SLC35A3: variants seen among roughly 807,000 people sequenced by gnomAD.
The protein encoded by SLC35A3 is UDP-N-acetylglucosamine transporter.
Under a neutral mutation model 39.0 loss-of-function variants are expected in SLC35A3, and 26 were observed. The observed-to-expected ratio is 0.67, with a 90% confidence interval of 0.49 to 0.92. The LOEUF (loss-of-function observed/expected upper bound fraction) is 0.92. Among genes scored for constraint, SLC35A3 ranks in the 40% least tolerant of loss-of-function variants. The pLI, the probability that SLC35A3 is intolerant of heterozygous loss-of-function variation, is 0.00. For missense variants in SLC35A3, 299 were observed against 371.6 expected (o/e 0.80, Z 1.61); for synonymous variants, 135 against 133.1 (o/e 1.01, Z -0.10).
intron 3 of SLC35A3, 146 bp downstream of exon 3, chr1:99,999,561 A>G (rs1379920185): frequency 5.9e-6 from 3 of 506,944 alleles, no homozygotes; most frequent in South Asian, 6.6e-5. Context: ...ATTCATCTCC[A>G]CAAACATTTA....
At chr1:100,010,621 T>C (rs1325199388) in intron 4 of SLC35A3, among the ~76,000 whole-genome samples, 1 of 151,904 alleles carries the variant, frequency 6.6e-6, no homozygotes, top group Non-Finnish European at 1.5e-5. Context: ...CCCAGGGAGG[T>C]TGAGGCTGCA....
chr1:100,027,288 A>G lies in SLC35A3; in HGVS notation c.*4812A>G, dbSNP rs1660963109. ...GCAACATAGCCTTGTTTCTACAAAA[A>G]ATCTTAAAAATAAAATTAGCCAATA... On this transcript the variant is annotated 3_prime_UTR_variant, in exon 8 of 8. Coordinates refer to ENST00000533028, the MANE Select transcript of SLC35A3 (RefSeq NM_012243.3). The G allele has an allele frequency of 2.5e-6, 1 of 397,274 alleles. No homozygotes were observed. The allele number at this position is 397,274 out of a possible 1,614,324, so 24.6% of individuals were successfully genotyped here.
chr1:99,971,794 T>G (rs1446254897), intron 1 of SLC35A3, among the ~76,000 whole-genome samples: 1 of 152,224 alleles, frequency 6.6e-6, no homozygotes, highest in Admixed American at 6.5e-5. Flanking sequence ...CCTTCCTTGC[T>G]GTCTTTGTAG....
rs1368451203 is a variant in SLC35A3, at chr1:100,028,839, T to G, written c.*6363T>G. On this transcript the variant is annotated 3_prime_UTR_variant, in exon 8 of 8. Transcript: ENST00000533028. ...TCAGTTCTGGCTAGAAAGAGAAAAC[T>G]TACTAAAAGCTATTATACTCACAGT... 3 of 152,286 alleles carry G rather than the reference T, an allele frequency of 2.0e-5. 1 individual carries two copies. The highest frequency in any genetic ancestry group is 3.9e-4 in the East Asian group (2 of 5,188). 9.4% of individuals were successfully genotyped at this position (152,286 alleles called of 1,614,324 possible).
chr1:100,019,401 A>G (rs1013278171), intron 7 of SLC35A3, among the ~76,000 whole-genome samples: 4 of 149,506 alleles, frequency 2.7e-5, no homozygotes, highest in African/African-American at 9.7e-5. Flanking sequence ...GAATGAATGA[A>G]TGAATGAATG....
intron 1 of SLC35A3, among the ~76,000 whole-genome samples, chr1:99,989,959 G>A (rs1389789022): frequency 6.6e-6 from 1 of 151,870 alleles, no homozygotes; most frequent in Non-Finnish European, 1.5e-5. Flanking sequence ...GTCTCACTTT[G>A]TTGTCCAAGC....
intron 1 of SLC35A3, among the ~76,000 whole-genome samples, chr1:99,989,612 T>C (rs1361001459): frequency 6.6e-6 from 1 of 152,144 alleles, no homozygotes; most frequent in Admixed American, 6.5e-5. Flanking sequence ...TATTTTTAAA[T>C]TGGATTGTCG....
At chr1:99,970,615 G>C in intron 1 of SLC35A3, 2 of 1,536,132 alleles carry the variant, frequency 1.3e-6, no homozygotes, top group Non-Finnish European at 1.7e-6. Flanking sequence ...GAAGCCGCAG[G>C]AACTTAAAGA....
chr1:99,979,836 G>C (rs1001298016), intron 1 of SLC35A3, among the ~76,000 whole-genome samples: 3 of 152,038 alleles, frequency 2.0e-5, no homozygotes, highest in Admixed American at 2.0e-4. Context: ...CCGAGGTCAG[G>C]AGTTCGAGAC....
intron 1 of SLC35A3, among the ~76,000 whole-genome samples, chr1:99,988,479 CTT>C (rs1657878071): frequency 1.3e-5 from 2 of 152,068 alleles, no homozygotes; most frequent in African/African-American, 4.8e-5. Context: ...AAATAAATCT[CTT>C]ATAAATATTC....
chr1:100,016,673 C>T (rs182604596), intron 6 of SLC35A3, among the ~76,000 whole-genome samples: 2 of 151,902 alleles, frequency 1.3e-5, no homozygotes, highest in East Asian at 1.9e-4. Context: ...TCGCCTGGCC[C>T]GGATACTTCT....
intron 4 of SLC35A3, chr1:100,008,767 G>A (rs1281313377): frequency 6.6e-6 from 1 of 152,088 alleles, no homozygotes; most frequent in Admixed American, 6.5e-5. Context: ...AAACATTTGT[G>A]CCTTCTTCTG....
rs540737332 is a variant in SLC35A3 at position 99,996,557 on chromosome 1, G to A, written c.188-2704G>A. ...TAAAAAGTCTTAATACCAGGAATTG[G>A]TGATTATTTAAAAACTGAATTTAAA... On this transcript the variant is annotated intron_variant, in intron 2 of 7. Coordinates refer to ENST00000533028, the MANE Select transcript of SLC35A3 (RefSeq NM_012243.3). Among the ~76,000 whole-genome samples the A allele has an allele frequency of 4.6e-5, 7 of 152,216 alleles. No individual in the cohort carries two copies. In the South Asian group the frequency reaches 1.5e-3, roughly 32 times the overall value.
chr1:99,971,626 T>A (rs6672034), intron 1 of SLC35A3, among the ~76,000 whole-genome samples: 10,392 of 152,158 alleles, frequency 0.068, 489 homozygotes, highest in African/African-American at 0.14. Context: ...ATTCTTTCTT[T>A]TTTCCTTTTA....
Position 100,022,722 on chromosome 1 carries a change from G to T in SLC35A3, c.*246G>T, listed in dbSNP as rs1224288358. The T allele has an allele frequency of 1.7e-5, 5 of 298,418 alleles. No individual in the cohort carries two copies. The highest frequency in any genetic ancestry group is 3.1e-5 in the Non-Finnish European group (5 of 163,552). The allele number at this position is 298,418 out of a possible 1,614,324, so 18.5% of individuals were successfully genotyped here. A position where few individuals can be genotyped will look rare whatever the true frequency, so the allele number is the denominator to read the frequency against. On this transcript the variant is annotated 3_prime_UTR_variant, in exon 8 of 8. Transcript: ENST00000533028. ...GAATATTAGAGGAAACTTGAAATCT[G>T]AGTTTAAAAAGATTTTACCTTTTTG...
chr1:99,970,466 G>T, intron 1 of SLC35A3: 1 of 1,094,420 alleles, frequency 9.1e-7, no homozygotes, highest in Non-Finnish European at 1.3e-6. Flanking sequence ...GTGTGCCTCA[G>T]CGCCTGGTGC....
chr1:100,000,313 C>A (rs373429579), intron 3 of SLC35A3, among the ~76,000 whole-genome samples: 1 of 152,120 alleles, frequency 6.6e-6, no homozygotes, highest in Non-Finnish European at 1.5e-5. Flanking sequence ...TCTTGATTTG[C>A]GTTTCCCTGA....
chr1:99,976,372 C>T (rs958533805), intron 1 of SLC35A3, among the ~76,000 whole-genome samples: 2 of 152,030 alleles, frequency 1.3e-5, no homozygotes, highest in Non-Finnish European at 2.9e-5. Context: ...CATTTGGATT[C>T]GAATATTGGA....
In SLC35A3 at chr1:100,030,059, AACCTGATACCAGTTG is replaced by A. The variant is rs1257368618; in HGVS notation, c.*7584_*7598del. 5.3e-5 allele frequency: 8 copies of A among 152,236 alleles called. No homozygotes were observed. Among genetic ancestry groups the A allele is most frequent in the Non-Finnish European group, 1.2e-4 (8 of 68,032 alleles). The allele number at this position is 152,236 out of a possible 1,614,324, so 9.4% of individuals were successfully genotyped here. A position where few individuals can be genotyped will look rare whatever the true frequency, so the allele number is the denominator to read the frequency against. ...TATCACCATTATAAGGAAGAGCTAA[AACCTGATACCAGTTG>A]TTATTTTGGCTCACAGTAGGGCTTC... On this transcript the variant is annotated 3_prime_UTR_variant, in exon 8 of 8. Coordinates refer to ENST00000533028, the MANE Select transcript of SLC35A3 (RefSeq NM_012243.3).
Sources: gnomAD v4.1 joint callset for allele counts (sites outside exome capture counted in the v4.1 genomes callset) on GRCh38, gnomAD v4.1.1 for gene constraint, MANE v1.5 for transcripts, NCBI Gene and HGNC (gene_info 2026-07-23, HGNC 2026-07-21) for gene names.